The following FTSJ3 variants were observed in gnomAD, a reference collection of about 807,000 sequenced individuals.
The protein encoded by FTSJ3 is FtsJ RNA 2'-O-methyltransferase 3, also known as pre-rRNA 2'-O-ribose RNA methyltransferase FTSJ3.
FTSJ3 carries 46 observed loss-of-function variants against 111.5 expected under a neutral mutation model. That is an observed-to-expected ratio of 0.41 (90% CI 0.33 to 0.53). FTSJ3 has a LOEUF of 0.53. FTSJ3 is among the 20% of genes least tolerant of loss of function. The pLI is 0.19. For missense variants in FTSJ3, 1,075 were observed against 1,063.8 expected (o/e 1.01, Z -0.15); for synonymous variants, 408 against 383.0 (o/e 1.07, Z -0.76).
At chr17:63,823,778 CTTCT>C (rs1567752900) in intron 13 of FTSJ3, 35 bp downstream of exon 13, 8 of 1,602,332 alleles carry the variant, frequency 5.0e-6, no homozygotes, top group Non-Finnish European at 6.8e-6. Flanking sequence ...CAAACAGATC[CTTCT>C]GTCTCCTAAA....
intron 3 of FTSJ3, 53 bp downstream of exon 3, chr17:63,826,514 C>T: frequency 6.8e-7 from 1 of 1,468,692 alleles, no homozygotes; most frequent in Non-Finnish European, 9.5e-7. Flanking sequence ...GCCATCCCAG[C>T]TCAGAACCCA....
At chr17:63,823,777 C>A (rs370392178) in intron 13 of FTSJ3, 40 bp downstream of exon 13, 3 of 1,600,180 alleles carry the variant, frequency 1.9e-6, no homozygotes, top group Non-Finnish European at 2.6e-6. Context: ...CCAAACAGAT[C>A]CTTCTGTCTC....
chr17:63,827,581 G>A lies in FTSJ3; in HGVS notation c.-556C>T. On this transcript the variant is annotated 5_prime_UTR_variant, in exon 1 of 21. Coordinates refer to ENST00000427159, the MANE Select transcript of FTSJ3 (RefSeq NM_017647.4). ...GGTGCGGAGCGAGCGTGATCTGAGT[G>A]GAGAGCGGGCCGGGGCAGGAGCGTC... 6.4e-7 allele frequency: 1 copy of A among 1,551,230 alleles called. No individual in the cohort carries two copies.
Position 63,821,568 on chromosome 17 carries a change from G to C in FTSJ3, c.1672C>G (p.Arg558Gly). Residue 558 changes from arginine to glycine, a missense_variant, in exon 16 of 21, where the codon CGG (arginine) becomes GGG (glycine). Coordinates refer to ENST00000427159, the MANE Select transcript of FTSJ3 (RefSeq NM_017647.4). The part of the protein sequence containing the change: ...ISQAQLLFEN[R>G]RKGRQQQQKQ... Reference sequence around the variant, plus strand: ...TGCTGCTGCTGCCGTCCCTTCCGCCGGTTCTCAAATAACAGCTGGGCCTGA... The same window carrying C: ...TGCTGCTGCTGCCGTCCCTTCCGCCCGTTCTCAAATAACAGCTGGGCCTGA... The C allele has an allele frequency of 6.2e-7, 1 of 1,614,020 alleles. No homozygotes were observed. The highest frequency in any genetic ancestry group is 8.5e-7 in the Non-Finnish European group (1 of 1,180,024).
rs2040116758 is a variant in FTSJ3 at position 63,827,166 on chromosome 17, T to A, written c.-141A>T. On this transcript the variant is annotated 5_prime_UTR_variant, in exon 1 of 21. Transcript: ENST00000427159. ...GCTCGAGGTTTTCCGCCATTTTGAGTGTGGCCCTAGATTGTTCTCAATACT... is the reference window on the plus strand; with the variant it reads ...GCTCGAGGTTTTCCGCCATTTTGAGAGTGGCCCTAGATTGTTCTCAATACT... The A allele has an allele frequency of 1.6e-5, 10 of 606,948 alleles. No homozygotes were observed. Among genetic ancestry groups the A allele is most frequent in the Non-Finnish European group, 2.6e-5 (9 of 342,884 alleles). 37.6% of individuals were successfully genotyped at this position (606,948 alleles called of 1,614,324 possible).
At chr17:63,826,787 C>G (rs769694664) in intron 2 of FTSJ3, 49 bp downstream of exon 2, 3 of 1,594,844 alleles carry the variant, frequency 1.9e-6, no homozygotes, top group African/African-American at 2.7e-5. Flanking sequence ...GCAGGCGAAC[C>G]GGGCAGAGAT....
Position 63,819,943 on chromosome 17 carries a change from A to T in FTSJ3, c.2403T>A (p.Val801=), listed in dbSNP as rs2040031190. The T allele has an allele frequency of 3.1e-6, 5 of 1,614,026 alleles. No homozygotes were observed. In the South Asian group the frequency reaches 5.5e-5, roughly 18 times the overall value. ...TGCGGCCCACACCTTTTTTGGCTAC[A>T]ACGTAGGTGACATGGCGTTTCTCCT... ...LGKEKRHVTY[V]VAKKGVGRKV... Residue 801 remains valine, a synonymous_variant, in exon 21 of 21, where the codon GTT becomes GTA. Coordinates refer to ENST00000427159, the MANE Select transcript of FTSJ3 (RefSeq NM_017647.4).
rs1567753216 is a variant in FTSJ3 at position 63,824,140 on chromosome 17, T to TTCCTCCTCCTCCTCTTCC, written c.1080_1097dup (p.Glu361_Glu366dup). On this transcript the variant is annotated inframe_insertion, in exon 12 of 21. Coordinates refer to ENST00000427159, the MANE Select transcript of FTSJ3 (RefSeq NM_017647.4). ...TTTCTGCCAAGGTCTGGTTCAGTTG[T>TTCCTCCTCCTCCTCTTCC]TCCTCCTCCTCCTCTTCCTCCTCCT... 2 of 1,614,064 alleles carry TTCCTCCTCCTCCTCTTCC rather than the reference T, an allele frequency of 1.2e-6. No homozygotes were observed. The highest frequency in any genetic ancestry group is 1.3e-5 in the African/African-American group (1 of 75,028).
chr17:63,827,587 C>T lies in FTSJ3; in HGVS notation c.-562G>A. On this transcript the variant is annotated 5_prime_UTR_variant, in exon 1 of 21. Transcript: ENST00000427159. ...GAGCGAGCGTGATCTGAGTGGAGAG[C>T]GGGCCGGGGCAGGAGCGTCGGGTGG... 6.4e-7 allele frequency: 1 copy of T among 1,550,666 alleles called. No individual in the cohort carries two copies. Among genetic ancestry groups the T allele is most frequent in the Non-Finnish European group, 8.7e-7 (1 of 1,146,694 alleles).
chr17:63,821,864 A>G, intron 14 of FTSJ3, 21 bp from the exon 15 acceptor site: 1 of 1,614,026 alleles, frequency 6.2e-7, no homozygotes, highest in Non-Finnish European at 8.5e-7. Flanking sequence ...AAAGGAAAGT[A>G]GGGGGCTCAG....
Position 63,827,366 on chromosome 17 carries a change from T to A in FTSJ3, c.-341A>T. The A allele has an allele frequency of 7.3e-7, 1 of 1,368,488 alleles. No individual in the cohort carries two copies. Among genetic ancestry groups the A allele is most frequent in the Non-Finnish European group, 1.0e-6 (1 of 987,258 alleles). 84.8% of individuals were successfully genotyped at this position (1,368,488 alleles called of 1,614,324 possible). ...CCATCATGGTTCCCTTAGTGTGGTC[T>A]CGCCGCACACCCCGCCCATTGACCC... On this transcript the variant is annotated 5_prime_UTR_variant, in exon 1 of 21. Transcript: ENST00000427159.
At position 63,819,977 on chromosome 17, in the gene FTSJ3, C is replaced by T. The variant is rs1477602373; in HGVS notation, c.2369G>A (p.Gly790Glu). 1.9e-6 allele frequency: 3 copies of T among 1,614,002 alleles called. No individual in the cohort carries two copies. The highest frequency in any genetic ancestry group is 2.5e-6 in the Non-Finnish European group (3 of 1,180,022). ...AQLRSLYKKA[G>E]LGKEKRHVTY... The stretch of plus-strand genomic sequence containing the variant: ...GACATGGCGTTTCTCCTTGCCAAGC[C>T]CAGCCTTCTTGTAGAGACTACAGGG... Residue 790 changes from glycine to glutamate, a missense_variant, in exon 21 of 21, where the codon GGG (glycine) becomes GAG (glutamate). Coordinates refer to ENST00000427159, the MANE Select transcript of FTSJ3 (RefSeq NM_017647.4).
In FTSJ3 at chr17:63,827,615, C is replaced by T. The variant is rs2040125303; in HGVS notation, c.-590G>A. On this transcript the variant is annotated 5_prime_UTR_variant, in exon 1 of 21. Coordinates refer to ENST00000427159, the MANE Select transcript of FTSJ3 (RefSeq NM_017647.4). Reference sequence around the variant, plus strand: ...GCCGGGGCAGGAGCGTCGGGTGGGTCGGAGGTGCCTGGACCAGTCCATGCT... The same window carrying T: ...GCCGGGGCAGGAGCGTCGGGTGGGTTGGAGGTGCCTGGACCAGTCCATGCT... 1.3e-6 allele frequency: 2 copies of T among 1,548,070 alleles called. No homozygotes were observed. The highest frequency in any genetic ancestry group is 1.7e-6 in the Non-Finnish European group (2 of 1,145,538).
At position 63,819,947 on chromosome 17, in the gene FTSJ3, T is replaced by C; in HGVS notation, c.2399A>G (p.Tyr800Cys). ...GCCCACACCTTTTTTGGCTACAACGTAGGTGACATGGCGTTTCTCCTTGCC... is the reference window on the plus strand; with the variant it reads ...GCCCACACCTTTTTTGGCTACAACGCAGGTGACATGGCGTTTCTCCTTGCC... The part of the protein sequence containing the change: ...GLGKEKRHVT[Y>C]VVAKKGVGRK... The change falls in exon 21 of 21, where the codon TAC becomes TGC. Residue 800 changes from tyrosine to cysteine, a missense_variant. Coordinates refer to ENST00000427159, the MANE Select transcript of FTSJ3 (RefSeq NM_017647.4). The C allele has an allele frequency of 6.2e-7, 1 of 1,614,226 alleles. No homozygotes were observed. The highest frequency in any genetic ancestry group is 8.5e-7 in the Non-Finnish European group (1 of 1,180,032).
At chr17:63,824,520 G>C (rs752621) in intron 10 of FTSJ3, 109 bp from the exon 11 acceptor site, 370,834 of 1,440,856 alleles carry the variant, frequency 0.26, 50,096 homozygotes, top group Middle Eastern at 0.29. Flanking sequence ...TAAATCAAAA[G>C]GCTCAGGCCC....
chr17:63,827,186 A>C lies in FTSJ3; in HGVS notation c.-161T>G. The stretch of plus-strand genomic sequence containing the variant: ...TTGAGTGTGGCCCTAGATTGTTCTC[A>C]ATACTCTGTCCTTGGGTTTTGTAAG... On this transcript the variant is annotated 5_prime_UTR_variant, in exon 1 of 21. In the 5' UTR this introduces an upstream ATG that the reference lacks. Transcript: ENST00000427159. 1.7e-6 allele frequency: 1 copy of C among 604,170 alleles called. No homozygotes were observed. Among genetic ancestry groups the C allele is most frequent in the Non-Finnish European group, 2.9e-6 (1 of 341,224 alleles). The allele number at this position is 604,170 out of a possible 1,614,324, so 37.4% of individuals were successfully genotyped here.
At position 63,819,851 on chromosome 17, in the gene FTSJ3, T is replaced by C. The variant is rs1297388737; in HGVS notation, c.2495A>G (p.Gln832Arg). 10 of 1,614,196 alleles carry C rather than the reference T, an allele frequency of 6.2e-6. No individual in the cohort carries two copies. The highest frequency in any genetic ancestry group is 8.5e-6 in the Non-Finnish European group (10 of 1,180,036). Residue 832 changes from glutamine (Q) to arginine (R), a missense_variant, in exon 21 of 21, where the codon CAA becomes CGA. Gln to Arg is a conservative substitution (Grantham distance 43). Around this residue, in one of 2 missense-constraint regions of FTSJ3, gnomAD observed 867 missense variants for 796.9 expected, o/e 1.09. Transcript: ENST00000427159. ...TTGTTCCTTACGTTGCTGTGCTCTT[T>C]GGTCCTTCTTCATCCTTGAGTCCAC... ...KVVDSRMKKDQRAQQRKEQKK... is the reference protein window; with the variant it reads ...KVVDSRMKKDRRAQQRKEQKK...
chr17:63,825,201 G>C (rs756482475), intron 7 of FTSJ3, 38 bp from the exon 8 acceptor site: 2 of 1,613,762 alleles, frequency 1.2e-6, no homozygotes, highest in South Asian at 2.2e-5. Flanking sequence ...TGTGCTTTGG[G>C]AGTTGGGAGC....
In FTSJ3 at chr17:63,819,695, G is replaced by A; in HGVS notation, c.*107C>T. On this transcript the variant is annotated 3_prime_UTR_variant, in exon 21 of 21. Coordinates refer to ENST00000427159, the MANE Select transcript of FTSJ3 (RefSeq NM_017647.4). ...ACTCCACCTCACTGTTCTTCAGACA[G>A]CTGTGATGTGAGCAGGGGCTAGGCC... 9.7e-7 allele frequency: 1 copy of A among 1,035,864 alleles called. No individual in the cohort carries two copies. The highest frequency in any genetic ancestry group is 1.4e-6 in the Non-Finnish European group (1 of 706,788). The allele number at this position is 1,035,864 out of a possible 1,614,324, so 64.2% of individuals were successfully genotyped here.
Sources: gnomAD v4.1 joint callset for allele counts on GRCh38, gnomAD v4.1.1 for gene constraint, gnomAD v4.1.1 regional missense constraint, MANE v1.5 for transcripts, NCBI Gene and HGNC (gene_info 2026-07-23, HGNC 2026-07-21) for gene names.